The following KHDRBS2 variants were observed in gnomAD, a reference collection of about 807,000 sequenced individuals.
KHDRBS2 encodes KH domain-containing, RNA-binding, signal transduction-associated protein 2.
KHDRBS2 carries 26 observed loss-of-function variants against 44.3 expected under a neutral mutation model. The observed-to-expected ratio is 0.59, with a 90% confidence interval of 0.43 to 0.81. The LOEUF (loss-of-function observed/expected upper bound fraction) is 0.81. Ranked by LOEUF, KHDRBS2 falls within the 40% of genes least tolerant of loss-of-function variation. The pLI is 0.00. For synonymous variants in KHDRBS2, 194 were observed against 151.1 expected (o/e 1.28, Z -2.08); for missense variants, 476 against 433.1 (o/e 1.10, Z -0.88).
chr6:62,213,189 TATAAG>T (rs895873433), intron 1 of KHDRBS2, among the ~76,000 whole-genome samples: 2 of 152,166 alleles, frequency 1.3e-5, no homozygotes, highest in African/African-American at 4.8e-5. Flanking sequence ...ATAATGTGAT[TATAAG>T]ATAAGTACCT....
intron 2 of KHDRBS2, among the ~76,000 whole-genome samples, chr6:62,111,479 A>T: frequency 6.6e-6 from 1 of 152,124 alleles, no homozygotes. Context: ...GTGGAATTGA[A>T]CAGTACATTT....
chr6:62,238,904 T>C (rs1257809981), intron 1 of KHDRBS2, among the ~76,000 whole-genome samples: 1 of 152,202 alleles, frequency 6.6e-6, no homozygotes, highest in Non-Finnish European at 1.5e-5. Context: ...TATAATACTT[T>C]ACCCAAAAAT....
intron 3 of KHDRBS2, among the ~76,000 whole-genome samples, chr6:62,046,953 AG>A (rs1162841996): frequency 2.0e-5 from 3 of 151,980 alleles, no homozygotes; most frequent in Non-Finnish European, 4.4e-5. Context: ...GACTTACTAC[AG>A]TAAAGATACT....
chr6:62,032,547 T>TTA (rs1258010192), intron 3 of KHDRBS2, among the ~76,000 whole-genome samples: 2 of 149,520 alleles, frequency 1.3e-5, no homozygotes, highest in African/African-American at 2.4e-5. Context: ...TACATATATA[T>TTA]TATATATATG....
chr6:61,724,850 A>G (rs1036414710), intron 7 of KHDRBS2, among the ~76,000 whole-genome samples: 8 of 152,220 alleles, frequency 5.3e-5, no homozygotes, highest in African/African-American at 1.9e-4. Flanking sequence ...GGACTCCCAT[A>G]CAATAGTAGT....
chr6:61,577,880 T>A, the KHDRBS2 span, among the ~76,000 whole-genome samples: 9 of 152,132 alleles, frequency 5.9e-5, no homozygotes, highest in African/African-American at 2.2e-4. Flanking sequence ...ATGAGAGCAT[T>A]TTCCTCCCAA....
intron 6 of KHDRBS2, among the ~76,000 whole-genome samples, chr6:61,824,603 C>G (rs985906371): frequency 6.6e-6 from 1 of 151,990 alleles, no homozygotes; most frequent in Non-Finnish European, 1.5e-5. Flanking sequence ...TCTACTTTGC[C>G]CTAAAATTGG....
At chr6:62,158,467 G>A (rs911733666) in intron 2 of KHDRBS2, among the ~76,000 whole-genome samples, 1 of 152,086 alleles carries the variant, frequency 6.6e-6, no homozygotes, top group Non-Finnish European at 1.5e-5. Context: ...CGATAGTGCA[G>A]CTATGGTTGA....
At chr6:61,636,287 T>A in the KHDRBS2 span, among the ~76,000 whole-genome samples, 2 of 152,094 alleles carry the variant, frequency 1.3e-5, no homozygotes, top group Admixed American at 1.3e-4. Flanking sequence ...ATTTACTGTA[T>A]CAGGTTTTAT....
At chr6:62,096,567 G>T (rs1259598003) in intron 2 of KHDRBS2, among the ~76,000 whole-genome samples, 1 of 151,710 alleles carries the variant, frequency 6.6e-6, no homozygotes, top group African/African-American at 2.4e-5. Context: ...CAGTTTTAAT[G>T]ATTTATTTTT....
chr6:62,224,484 T>C (rs1380332578), intron 1 of KHDRBS2, among the ~76,000 whole-genome samples: 1 of 152,316 alleles, frequency 6.6e-6, no homozygotes, highest in Middle Eastern at 3.4e-3. Context: ...GGTATTAAGA[T>C]GAACAAATGG....
chr6:61,716,963 AC>A (rs1771538471), intron 7 of KHDRBS2, among the ~76,000 whole-genome samples: 1 of 152,038 alleles, frequency 6.6e-6, no homozygotes, highest in African/African-American at 2.4e-5. Flanking sequence ...TTCTAAATTA[AC>A]CTGGTGAGGA....
rs368632602 is a variant in KHDRBS2, at chr6:61,978,037, C to T, written c.483+29G>A. The T allele has an allele frequency of 4.5e-6, 7 of 1,551,806 alleles. No homozygotes were observed. In the African/African-American group the frequency reaches 5.6e-5, roughly 12 times the overall value. On this transcript the variant is annotated intron_variant, in intron 4 of 8. Coordinates refer to ENST00000281156, the MANE Select transcript of KHDRBS2 (RefSeq NM_152688.4). ...TTTTAAAATAGAAGCTGATAAGAAA[C>T]ATCTTTGTAAAAAATGAAAGACACT...
chr6:62,130,151 C>A (rs907492549), intron 2 of KHDRBS2, among the ~76,000 whole-genome samples: 12 of 152,142 alleles, frequency 7.9e-5, no homozygotes, highest in Non-Finnish European at 1.2e-4. Flanking sequence ...TGAAATCATT[C>A]ATTTCACAGC....
chr6:61,998,897 A>G (rs1434767567), intron 3 of KHDRBS2, among the ~76,000 whole-genome samples: 1 of 152,082 alleles, frequency 6.6e-6, no homozygotes, highest in Non-Finnish European at 1.5e-5. Flanking sequence ...GTATATAAAC[A>G]TATACATATC....
chr6:61,952,771 G>T (rs1439207686), intron 4 of KHDRBS2, among the ~76,000 whole-genome samples: 1 of 151,982 alleles, frequency 6.6e-6, no homozygotes, highest in Non-Finnish European at 1.5e-5. Context: ...TCAAAATGTT[G>T]CCATGACTTG....
the KHDRBS2 span, among the ~76,000 whole-genome samples, chr6:61,578,762 CA>C: frequency 1.3e-5 from 2 of 151,984 alleles, no homozygotes; most frequent in Non-Finnish European, 2.9e-5. Context: ...CTATCTTCAC[CA>C]ATTAAATAAA....
intron 3 of KHDRBS2, among the ~76,000 whole-genome samples, chr6:62,000,776 G>A (rs1228711522): frequency 6.6e-6 from 1 of 152,122 alleles, no homozygotes; most frequent in African/African-American, 2.4e-5. Flanking sequence ...TAGCTGTGCT[G>A]CATGACCTCA....
chr6:61,639,684 C>T, the KHDRBS2 span, among the ~76,000 whole-genome samples: 95 of 152,038 alleles, frequency 6.2e-4, no homozygotes, highest in African/African-American at 2.1e-3. Context: ...GGGTAGGGAC[C>T]ATGATTTACA....
Sources: gnomAD v4.1 joint callset for allele counts (sites outside exome capture counted in the v4.1 genomes callset) on GRCh38, gnomAD v4.1.1 for gene constraint, MANE v1.5 for transcripts, NCBI Gene and HGNC (gene_info 2026-07-23, HGNC 2026-07-21) for gene names.